WIF1: variants seen among roughly 807,000 people sequenced by gnomAD.
WIF1 encodes Wnt inhibitory factor 1.
Under a neutral mutation model 53.5 loss-of-function variants are expected in WIF1, and 35 were observed. That is an observed-to-expected ratio of 0.65 (90% CI 0.50 to 0.87). The LOEUF (loss-of-function observed/expected upper bound fraction) is 0.87, where lower values mean the gene tolerates loss of function less well. Among genes scored for constraint, WIF1 ranks in the 40% least tolerant of loss-of-function variants. WIF1 has a pLI of 0.00. For missense variants in WIF1, 467 were observed against 476.8 expected (o/e 0.98, Z 0.19); for synonymous variants, 171 against 170.4 (o/e 1.00, Z -0.03).
At chr12:65,079,607 C>G (rs1010708266) in intron 2 of WIF1, among the ~76,000 whole-genome samples, 2 of 135,244 alleles carry the variant, frequency 1.5e-5, no homozygotes, top group African/African-American at 2.9e-5. Context: ...GACTGGGTGA[C>G]AGAGTGAGAC....
intron 7 of WIF1, among the ~76,000 whole-genome samples, chr12:65,060,040 A>G (rs1232037325): frequency 1.3e-5 from 2 of 152,156 alleles, no homozygotes; most frequent in Non-Finnish European, 2.9e-5. Context: ...AAAACAAAAA[A>G]CAAAGAGCCA....
intron 7 of WIF1, among the ~76,000 whole-genome samples, chr12:65,058,530 A>G (rs1051196281): frequency 2.6e-5 from 4 of 152,348 alleles, no homozygotes; most frequent in Admixed American, 1.3e-4. Flanking sequence ...GCTATTATAC[A>G]ACAGAAACGT....
intron 1 of WIF1, chr12:65,120,788 C>CA (rs773450807): frequency 1.7e-5 from 13 of 770,916 alleles, no homozygotes; most frequent in South Asian, 1.1e-4. Context: ...TTAACCGACG[C>CA]AAAAAAATGC....
Position 65,062,492 on chromosome 12 carries a change from T to C in WIF1, c.815A>G (p.Gln272Arg). ...AAGTCAATACTCACTGATTTCACACTGCTCTCCCTCTAGTCCTGGAGGGCA... is the reference window on the plus strand; with the variant it reads ...AAGTCAATACTCACTGATTTCACACCGCTCTCCCTCTAGTCCTGGAGGGCA... ...CICPPGLEGE[Q>R]CEISKCPQPC... The change falls in exon 7 of 10, where the codon CAG becomes CGG. Residue 272 changes from glutamine to arginine, a missense_variant. Physicochemically the swap from Gln to Arg is conservative, Grantham distance 43. Transcript: ENST00000286574. The C allele has an allele frequency of 1.9e-6, 3 of 1,605,890 alleles. No homozygotes were observed. Among genetic ancestry groups the C allele is most frequent in the Non-Finnish European group, 2.6e-6 (3 of 1,175,186 alleles).
chr12:65,071,729 T>C (rs1882777116), intron 3 of WIF1, among the ~76,000 whole-genome samples: 1 of 152,164 alleles, frequency 6.6e-6, no homozygotes, highest in East Asian at 1.9e-4. Context: ...TCTACCTCTT[T>C]GGAAATAGAA....
intron 7 of WIF1, among the ~76,000 whole-genome samples, chr12:65,057,946 G>A (rs749684518): frequency 8.5e-5 from 13 of 152,128 alleles, no homozygotes; most frequent in African/African-American, 1.9e-4. Flanking sequence ...CAATATAGAC[G>A]TAACAATATT....
At chr12:65,062,709 T>C (rs1172169679) in intron 6 of WIF1, 133 bp from the exon 7 acceptor site, 2 of 791,004 alleles carry the variant, frequency 2.5e-6, no homozygotes, top group African/African-American at 3.5e-5. Context: ...TAAAATAAGC[T>C]GCTTTACAAA....
At position 65,092,508 on chromosome 12, in the gene WIF1, G is replaced by GTATATATA. The variant is rs144164448; in HGVS notation, c.289-14662_289-14655dup. ...TATATATGTGTGTATATATATGTGT[G>GTATATATA]TATATATATATATATGCATGGTATG... On this transcript the variant is annotated intron_variant, in intron 2 of 9. Transcript: ENST00000286574. Among the ~76,000 whole-genome samples the GTATATATA allele has an allele frequency of 7.2e-4, 106 of 146,748 alleles. 1 individual carries two copies. Among genetic ancestry groups the GTATATATA allele is most frequent in the African/African-American group, 2.1e-3 (83 of 39,800 alleles).
intron 2 of WIF1, among the ~76,000 whole-genome samples, chr12:65,118,549 C>A (rs1281390324): frequency 2.6e-5 from 4 of 152,140 alleles, no homozygotes; most frequent in Non-Finnish European, 4.4e-5. Context: ...AGAAAGGTAG[C>A]TTAATTGAGG....
rs772819961 is a variant in WIF1 at position 65,067,704 on chromosome 12, A to G, written c.625T>C (p.Cys209Arg). ...ECPDGFHGPH[C>R]EKALCTPRCM... Reference sequence around the variant, plus strand: ...CGGCTCCATGTCTTACCTTTCTCACAGTGAGGTCCGTGGAACCCATCAGGA... The same window carrying G: ...CGGCTCCATGTCTTACCTTTCTCACGGTGAGGTCCGTGGAACCCATCAGGA... Residue 209 changes from cysteine (C) to arginine (R), a missense_variant, in exon 5 of 10, where the codon TGT (cysteine) becomes CGT (arginine). Coordinates refer to ENST00000286574, the MANE Select transcript of WIF1 (RefSeq NM_007191.5). 3 of 1,613,236 alleles carry G rather than the reference A, an allele frequency of 1.9e-6. No homozygotes were observed. The Admixed American group carries it at 5.0e-5, about 27-fold the overall frequency.
chr12:65,059,710 G>C (rs565894812), intron 7 of WIF1, among the ~76,000 whole-genome samples: 2 of 151,552 alleles, frequency 1.3e-5, no homozygotes, highest in South Asian at 4.2e-4. Flanking sequence ...GGAGTGCAGT[G>C]GCTCAACCTT....
chr12:65,076,847 G>GA (rs1251107912), intron 3 of WIF1, among the ~76,000 whole-genome samples: 2 of 149,116 alleles, frequency 1.3e-5, no homozygotes, highest in African/African-American at 4.9e-5. Flanking sequence ...AACAACTTTT[G>GA]AAAAAATCCA....
chr12:65,053,280 A>T (rs1882470078), intron 9 of WIF1, among the ~76,000 whole-genome samples: 1 of 152,180 alleles, frequency 6.6e-6, no homozygotes, highest in Admixed American at 6.5e-5. Context: ...CAGTTAATTC[A>T]GTGGGTGAAA....
chr12:65,089,182 C>A (rs1011739764), intron 2 of WIF1, among the ~76,000 whole-genome samples: 1 of 152,140 alleles, frequency 6.6e-6, no homozygotes, highest in African/African-American at 2.4e-5. Flanking sequence ...AATGGACAAA[C>A]TCATTATCTT....
chr12:65,090,898 G>GA (rs1249864709), intron 2 of WIF1, among the ~76,000 whole-genome samples: 1 of 152,086 alleles, frequency 6.6e-6, no homozygotes, highest in East Asian at 1.9e-4. Context: ...AGTACCCATA[G>GA]AAAAAAGCAG....
At chr12:65,089,620 A>T (rs569487024) in intron 2 of WIF1, among the ~76,000 whole-genome samples, 1 of 152,108 alleles carries the variant, frequency 6.6e-6, no homozygotes, top group African/African-American at 2.4e-5. Flanking sequence ...TGATCTGGCC[A>T]TATCAAGCTT....
intron 7 of WIF1, among the ~76,000 whole-genome samples, chr12:65,056,366 CTTTTTTTTTTTTTTTTTTTTTTTTT>C (rs10584146): frequency 8.2e-4 from 20 of 24,262 alleles, no homozygotes; most frequent in Admixed American, 4.9e-3. Flanking sequence ...CATTTATATC[CTTTTTTTTTTTTTTTTTTTTTTTTT>C]TTTTTTTTTT....
chr12:65,056,208 G>A lies in WIF1; in HGVS notation c.827-82C>T, dbSNP rs949502837. The stretch of plus-strand genomic sequence containing the variant: ...TTACATTTTTCAAAGGAATTACAAG[G>A]CTTTGAGAGGATAAGTGCTTTTAAA... On this transcript the variant is annotated intron_variant, in intron 7 of 9. Transcript: ENST00000286574. 4 of 1,305,282 alleles carry A rather than the reference G, an allele frequency of 3.1e-6. No homozygotes were observed. In the African/African-American group the frequency reaches 5.9e-5, roughly 19 times the overall value. The allele number at this position is 1,305,282 out of a possible 1,614,324, so 80.9% of individuals were successfully genotyped here. A position where few individuals can be genotyped will look rare whatever the true frequency, so the allele number is the denominator to read the frequency against.
chr12:65,076,827 G>C (rs181317848), intron 3 of WIF1, among the ~76,000 whole-genome samples: 1 of 151,426 alleles, frequency 6.6e-6, no homozygotes, highest in East Asian at 1.9e-4. Context: ...AATATTGTAA[G>C]AGCATTAAAA....
Sources: gnomAD v4.1 joint callset for allele counts (sites outside exome capture counted in the v4.1 genomes callset) on GRCh38, gnomAD v4.1.1 for gene constraint, MANE v1.5 for transcripts, NCBI Gene and HGNC (gene_info 2026-07-23, HGNC 2026-07-21) for gene names.